The following DOCK1 variants were observed in gnomAD, a reference collection of about 807,000 sequenced individuals.
DOCK1 encodes dedicator of cytokinesis 1.
A neutral mutation model predicts 262.7 loss-of-function variants in DOCK1; 138 were observed. That is an observed-to-expected ratio of 0.53 (90% CI 0.46 to 0.61). The LOEUF is 0.61. DOCK1 is among the 20% of genes least tolerant of loss of function. DOCK1 has a pLI of 0.00. For missense variants in DOCK1, 1,908 were observed against 2,370.7 expected (o/e 0.80, Z 4.05); for synonymous variants, 866 against 867.4 (o/e 1.00, Z 0.03).
intron 25 of DOCK1, among the ~76,000 whole-genome samples, chr10:127,111,861 G>A (rs2048885862): frequency 6.6e-6 from 1 of 152,144 alleles, no homozygotes; most frequent in Admixed American, 6.5e-5. Context: ...AATTGTCGAT[G>A]AATTGTGCTT....
chr10:127,172,557 T>C (rs1411682859), intron 27 of DOCK1, among the ~76,000 whole-genome samples: 2 of 151,672 alleles, frequency 1.3e-5, no homozygotes, highest in Non-Finnish European at 2.9e-5. Flanking sequence ...TTAATGACCC[T>C]GGGGCATTGA....
chr10:127,346,652 A>G (rs1262416120), intron 31 of DOCK1, among the ~76,000 whole-genome samples: 1 of 152,206 alleles, frequency 6.6e-6, no homozygotes, highest in Non-Finnish European at 1.5e-5. Context: ...CTTGGCTACT[A>G]AAGAAAACGT....
At chr10:127,097,435 G>A (rs2047978040) in intron 23 of DOCK1, among the ~76,000 whole-genome samples, 1 of 152,200 alleles carries the variant, frequency 6.6e-6, no homozygotes, top group Non-Finnish European at 1.5e-5. Flanking sequence ...TTATCTTTCT[G>A]TGGCTTGCTG....
At chr10:127,207,568 C>CA (rs1432830854) in intron 27 of DOCK1, among the ~76,000 whole-genome samples, 9 of 152,166 alleles carry the variant, frequency 5.9e-5, no homozygotes, top group African/African-American at 2.4e-5. Flanking sequence ...GGACAATTCT[C>CA]ACATTTTAGG....
rs143348305 is a variant in DOCK1 at position 127,412,318 on chromosome 10, T to C, written c.4428+1394T>C. ...TGCTTTCATGGATTCATTTGTATTTTTATTTTATTTATTTTTTTATATAGA... is the reference window on the plus strand; with the variant it reads ...TGCTTTCATGGATTCATTTGTATTTCTATTTTATTTATTTTTTTATATAGA... On this transcript the variant is annotated intron_variant, in intron 43 of 51. Coordinates refer to ENST00000623213, the MANE Select transcript of DOCK1 (RefSeq NM_001290223.2). Among the ~76,000 whole-genome samples, 1,239 of 152,334 alleles carry C rather than the reference T, an allele frequency of 8.1e-3. 6 individuals carry two copies. The highest frequency in any genetic ancestry group is 0.027 in the Middle Eastern group (8 of 294).
intron 30 of DOCK1, among the ~76,000 whole-genome samples, chr10:127,341,179 C>G (rs954329121): frequency 2.0e-5 from 3 of 152,062 alleles, no homozygotes; most frequent in African/African-American, 7.2e-5. Flanking sequence ...CACTTTTTCC[C>G]ACGTCATTTC....
At chr10:127,128,003 G>A (rs1045583035) in intron 27 of DOCK1, 2 of 305,708 alleles carry the variant, frequency 6.5e-6, no homozygotes, top group African/African-American at 2.1e-5. Context: ...CAAAAGACAT[G>A]TATTTTCTGC....
At chr10:127,097,271 C>T (rs758417071) in intron 23 of DOCK1, among the ~76,000 whole-genome samples, 2 of 152,048 alleles carry the variant, frequency 1.3e-5, no homozygotes. Flanking sequence ...GTTTCCCTCC[C>T]AAGAGTTGTG....
chr10:127,425,827 A>C, intron 46 of DOCK1, 47 bp from the exon 47 acceptor site: 1 of 1,612,756 alleles, frequency 6.2e-7, no homozygotes, highest in Non-Finnish European at 8.5e-7. Context: ...TGCTCGTCCT[A>C]GACCATTATC....
intron 29 of DOCK1, among the ~76,000 whole-genome samples, chr10:127,283,249 T>G (rs756961689): frequency 2.6e-4 from 39 of 152,230 alleles, no homozygotes; most frequent in Admixed American, 1.2e-3. Flanking sequence ...GTTCCTTGTC[T>G]GCCACAAGCA....
At chr10:127,162,751 C>T (rs552812912) in intron 27 of DOCK1, among the ~76,000 whole-genome samples, 6 of 152,296 alleles carry the variant, frequency 3.9e-5, no homozygotes, top group East Asian at 1.9e-4. Context: ...AAGGAGCCGA[C>T]ATAACGAGCC....
intron 33 of DOCK1, among the ~76,000 whole-genome samples, chr10:127,367,993 T>A (rs754584777): frequency 6.6e-6 from 1 of 152,148 alleles, no homozygotes; most frequent in Non-Finnish European, 1.5e-5. Context: ...AGCCACCCCC[T>A]CCATCACTGG....
rs550967716 is a variant in DOCK1, at chr10:127,147,924, G to A, written c.2847+20160G>A. ...TGCGCGCACGTAGTCCCAGCTACTC[G>A]GGAGGCTGAGGCAGAAGAATTGCTT... On this transcript the variant is annotated intron_variant, in intron 27 of 51. Coordinates refer to ENST00000623213, the MANE Select transcript of DOCK1 (RefSeq NM_001290223.2). 1.3e-4 allele frequency among the ~76,000 whole-genome samples: 20 copies of A among 151,302 alleles called. No homozygotes were observed. The South Asian group carries it at 3.6e-3, about 27-fold the overall frequency.
At chr10:126,910,407 C>T (rs576883268) in intron 1 of DOCK1, among the ~76,000 whole-genome samples, 59 of 152,312 alleles carry the variant, frequency 3.9e-4, no homozygotes, top group African/African-American at 1.3e-3. Context: ...CTGGGTGTGG[C>T]GCTGACGCCC....
At chr10:127,261,543 GTGTGTA>G (rs1564945513) in intron 29 of DOCK1, among the ~76,000 whole-genome samples, 1,030 of 140,960 alleles carry the variant, frequency 7.3e-3, no homozygotes, top group Admixed American at 8.2e-3. Context: ...ATGTGGGTGT[GTGTGTA>G]CCCGTGCTCA....
rs771324389 is a variant in DOCK1 at position 126,999,396 on chromosome 10, A to G, written c.810A>G (p.Lys270=). ...GCTGGTCCAGTTCAGGATTACCTAAAGACATAGACAGATTACATAATTTGC... is the reference window on the plus strand; with the variant it reads ...GCTGGTCCAGTTCAGGATTACCTAAGGACATAGACAGATTACATAATTTGC... ...LVRWSSSGLP[K]DIDRLHNLRA... Residue 270 remains lysine (K), a synonymous_variant, in exon 9 of 52, where the codon AAA becomes AAG. Transcript: ENST00000623213. 2 of 1,613,340 alleles carry G rather than the reference A, an allele frequency of 1.2e-6. No individual in the cohort carries two copies. Among genetic ancestry groups the G allele is most frequent in the African/African-American group, 1.3e-5 (1 of 74,896 alleles).
Position 127,176,479 on chromosome 10 carries a change from A to C in DOCK1, c.2847+48715A>C. ...GCACCGGCCGCACAAACTTTTAGCC[A>C]CCACGACGACTGCCTGTTTCCTAAT... is the stretch of plus-strand genomic sequence containing the variant. On this transcript the variant is annotated intron_variant, in intron 27 of 51. Coordinates refer to ENST00000623213, the MANE Select transcript of DOCK1 (RefSeq NM_001290223.2). The surrounding 1 kb of genome is among the most constrained non-coding windows in gnomAD (Gnocchi z 4.4). The C allele has an allele frequency of 8.6e-7, 1 of 1,161,162 alleles. No homozygotes were observed. The highest frequency in any genetic ancestry group is 2.4e-5 in the East Asian group (1 of 42,006). The allele number at this position is 1,161,162 out of a possible 1,614,324, so 71.9% of individuals were successfully genotyped here.
chr10:127,118,420 C>T (rs1162607561), intron 25 of DOCK1, among the ~76,000 whole-genome samples: 2 of 152,202 alleles, frequency 1.3e-5, no homozygotes, highest in East Asian at 3.9e-4. Context: ...CAACTTGTTA[C>T]TAACAGAGTA....
intron 27 of DOCK1, among the ~76,000 whole-genome samples, chr10:127,190,682 C>CCCCCCCCG (rs1554912109): frequency 6.9e-5 from 3 of 43,738 alleles, no homozygotes; most frequent in Non-Finnish European, 9.9e-5. Flanking sequence ...CCCCCCCCCC[C>CCCCCCCCG]CGTTCCTGCT....
Sources: gnomAD v4.1 joint callset for allele counts (sites outside exome capture counted in the v4.1 genomes callset) on GRCh38, gnomAD v4.1.1 for gene constraint, Gnocchi (gnomAD v3.1) non-coding constraint, MANE v1.5 for transcripts, NCBI Gene and HGNC (gene_info 2026-07-23, HGNC 2026-07-21) for gene names.